Variants in CADPS2 observed in about 807,000 individuals in gnomAD.
The protein encoded by CADPS2 is calcium-dependent secretion activator 2.
CADPS2 carries 93 observed loss-of-function variants against 172.5 expected under a neutral mutation model. The ratio of observed to expected loss-of-function variants is 0.54; its 90% CI spans 0.46 to 0.64. The LOEUF is 0.64. Among genes scored for constraint, CADPS2 ranks in the 30% least tolerant of loss-of-function variants. The pLI, the probability that CADPS2 is intolerant of heterozygous loss-of-function variation, is 0.00. For missense variants in CADPS2, 1,420 were observed against 1,565.9 expected (o/e 0.91, Z 1.57); for synonymous variants, 546 against 555.2 (o/e 0.98, Z 0.23).
At chr7:122,730,898 T>C (rs983058382) in intron 2 of CADPS2, among the ~76,000 whole-genome samples, 21 of 151,612 alleles carry the variant, frequency 1.4e-4, no homozygotes, top group South Asian at 2.1e-4. Flanking sequence ...ATTTCACAAT[T>C]CAAGACATTT....
At chr7:122,858,416 A>G (rs964706056) in intron 1 of CADPS2, among the ~76,000 whole-genome samples, 1 of 152,166 alleles carries the variant, frequency 6.6e-6, no homozygotes, top group Non-Finnish European at 1.5e-5. Context: ...TTTGAGAAAC[A>G]CCTGAGGTAA....
chr7:122,803,273 G>GA (rs966739799), intron 1 of CADPS2, among the ~76,000 whole-genome samples: 16 of 152,080 alleles, frequency 1.1e-4, no homozygotes, highest in Non-Finnish European at 1.9e-4. Context: ...AATCTTAAGT[G>GA]AAAAAAGGTA....
intron 2 of CADPS2, among the ~76,000 whole-genome samples, chr7:122,719,266 G>A (rs1347186414): frequency 6.6e-6 from 1 of 151,976 alleles, no homozygotes; most frequent in African/African-American, 2.4e-5. Context: ...AAGGGGTGGG[G>A]GAGAGAGAAA....
At chr7:122,850,105 T>C (rs1398891338) in intron 1 of CADPS2, 2 of 1,352,922 alleles carry the variant, frequency 1.5e-6, no homozygotes, top group Non-Finnish European at 1.9e-6. Context: ...TTCACAGACC[T>C]GGCATCCATC....
intron 1 of CADPS2, among the ~76,000 whole-genome samples, chr7:122,747,857 T>C (rs560880582): frequency 1.3e-5 from 2 of 152,294 alleles, no homozygotes; most frequent in East Asian, 3.9e-4. Context: ...TTGCTTCCTC[T>C]GCCTAGAATA....
In CADPS2 at chr7:122,680,146, T is replaced by G. The variant is rs115773408; in HGVS notation, c.454-16577A>C. ...TACCTTTCTTGGCACACAAAAAAAGTACAATATCTGACCTCTGTTTTTATT... is the reference window on the plus strand; with the variant it reads ...TACCTTTCTTGGCACACAAAAAAAGGACAATATCTGACCTCTGTTTTTATT... On this transcript the variant is annotated intron_variant, in intron 2 of 29. Coordinates refer to ENST00000449022, the MANE Select transcript of CADPS2 (RefSeq NM_017954.11). Among the ~76,000 whole-genome samples, 133 of 152,304 alleles carry G rather than the reference T, an allele frequency of 8.7e-4. 1 individual carries two copies. The highest frequency in any genetic ancestry group is 2.9e-3 in the African/African-American group (120 of 41,580).
intron 25 of CADPS2, among the ~76,000 whole-genome samples, chr7:122,361,946 A>G (rs1470466637): frequency 6.6e-6 from 1 of 152,014 alleles, no homozygotes; most frequent in Non-Finnish European, 1.5e-5. Flanking sequence ...GGTGGCTCAT[A>G]TCTGTAATCT....
Position 122,684,095 on chromosome 7 carries a change from C to A in CADPS2, c.454-20526G>T, listed in dbSNP as rs573272954. Among the ~76,000 whole-genome samples the A allele has an allele frequency of 5.9e-5, 9 of 152,140 alleles. No homozygotes were observed. The East Asian group carries it at 1.7e-3, about 29-fold the overall frequency. ...ATGTATAGAGAGCTCACATTTATTT[C>A]CATGCTAAATATTAGAAGTGTTTTG... is the stretch of plus-strand genomic sequence containing the variant. On this transcript the variant is annotated intron_variant, in intron 2 of 29. Coordinates refer to ENST00000449022, the MANE Select transcript of CADPS2 (RefSeq NM_017954.11).
At chr7:122,415,323 G>A (rs1315851245) in intron 18 of CADPS2, among the ~76,000 whole-genome samples, 5 of 152,008 alleles carry the variant, frequency 3.3e-5, no homozygotes. Flanking sequence ...AGCAATCATG[G>A]CATAGGGGGA....
At chr7:122,442,348 TGCTTTGC>T (rs2051466830) in intron 15 of CADPS2, among the ~76,000 whole-genome samples, 1 of 152,156 alleles carries the variant, frequency 6.6e-6, no homozygotes, top group East Asian at 1.9e-4. Flanking sequence ...TGGAGCTCCT[TGCTTTGC>T]TGAACCAGAT....
intron 2 of CADPS2, among the ~76,000 whole-genome samples, chr7:122,704,885 C>T (rs1321403630): frequency 1.3e-5 from 2 of 151,968 alleles, no homozygotes; most frequent in Admixed American, 6.6e-5. Flanking sequence ...TACACACCAG[C>T]GTTGCCACTA....
chr7:122,456,091 A>G (rs1349421413), intron 14 of CADPS2, among the ~76,000 whole-genome samples: 2 of 152,222 alleles, frequency 1.3e-5, no homozygotes, highest in East Asian at 3.8e-4. Context: ...GTACACTGGT[A>G]AAAAGATCTC....
intron 12 of CADPS2, among the ~76,000 whole-genome samples, chr7:122,474,783 A>C (rs1399768001): frequency 3.3e-5 from 5 of 152,138 alleles, no homozygotes. Context: ...ACAGAAGAAT[A>C]ATCTTATTTT....
chr7:122,355,234 CACTTA>C (rs1370099640), intron 27 of CADPS2, among the ~76,000 whole-genome samples: 1 of 152,070 alleles, frequency 6.6e-6, no homozygotes, highest in Non-Finnish European at 1.5e-5. Flanking sequence ...ATAGGAATGC[CACTTA>C]ACTTCAGTTG....
chr7:122,323,113 A>C (rs746515979), intron 29 of CADPS2, among the ~76,000 whole-genome samples: 10 of 152,216 alleles, frequency 6.6e-5, no homozygotes, highest in Non-Finnish European at 1.3e-4. Flanking sequence ...GAAATTGGCT[A>C]AAAGTCTGTT....
intron 15 of CADPS2, among the ~76,000 whole-genome samples, chr7:122,446,934 A>C (rs1445181056): frequency 6.6e-6 from 1 of 152,038 alleles, no homozygotes; most frequent in East Asian, 1.9e-4. Context: ...ATGTCTTGAA[A>C]ATATTTTTTC....
chr7:122,636,561 G>A (rs1439025334), intron 3 of CADPS2, among the ~76,000 whole-genome samples: 1 of 148,176 alleles, frequency 6.7e-6, no homozygotes, highest in African/African-American at 2.5e-5. Context: ...CGCGTCCCAG[G>A]TTCAAGCAAT....
chr7:122,360,036 GTCTTAAA>G (rs1402442065), intron 27 of CADPS2, among the ~76,000 whole-genome samples: 3 of 152,236 alleles, frequency 2.0e-5, no homozygotes, highest in African/African-American at 7.2e-5. Context: ...ATTCCATCTA[GTCTTAAA>G]TCTTAATTTA....
chr7:122,502,605 T>C (rs1164014621), intron 9 of CADPS2, among the ~76,000 whole-genome samples: 3 of 152,216 alleles, frequency 2.0e-5, no homozygotes, highest in Middle Eastern at 3.4e-3. Flanking sequence ...TGACAAAATC[T>C]AGAGGTTAGG....
Sources: gnomAD v4.1 joint callset for allele counts (sites outside exome capture counted in the v4.1 genomes callset) on GRCh38, gnomAD v4.1.1 for gene constraint, MANE v1.5 for transcripts, NCBI Gene and HGNC (gene_info 2026-07-23, HGNC 2026-07-21) for gene names.